The following EPB41 variants were observed in gnomAD, a reference collection of about 807,000 sequenced individuals.
The protein encoded by EPB41 is protein 4.1.
In EPB41, 65 loss-of-function variants were observed where a neutral mutation model predicts 108.0. The ratio of observed to expected loss-of-function variants is 0.60; its 90% CI spans 0.49 to 0.74. The LOEUF (loss-of-function observed/expected upper bound fraction) is 0.74, where lower values mean the gene tolerates loss of function less well. Among genes scored for constraint, EPB41 ranks in the 30% least tolerant of loss-of-function variants. The probability of loss-of-function intolerance (pLI) is 0.00; values close to 1 mark genes in which losing one functional copy is unlikely to be tolerated. For missense variants in EPB41, 875 were observed against 1,037.0 expected (o/e 0.84, Z 2.15); for synonymous variants, 336 against 358.9 (o/e 0.94, Z 0.72).
chr1:29,018,077 A>C lies in EPB41; in HGVS notation c.906-147A>C. 2 of 689,150 alleles carry C rather than the reference A, an allele frequency of 2.9e-6. No homozygotes were observed. Among genetic ancestry groups the C allele is most frequent in the Non-Finnish European group, 5.1e-6 (2 of 395,390 alleles). The allele number at this position is 689,150 out of a possible 1,614,324, so 42.7% of individuals were successfully genotyped here. On this transcript the variant is annotated intron_variant, in intron 6 of 20. Coordinates refer to ENST00000343067, the MANE Select transcript of EPB41 (RefSeq NM_001376013.1). This position sits in a 1 kb window ranked among gnomAD's most constrained non-coding sequence, Gnocchi z 4.4. Reference sequence around the variant, plus strand: ...AACTACCTAGATTGAAGTTATTATTATCTCATATTTACTTAATTGCTTTCT... The same window carrying C: ...AACTACCTAGATTGAAGTTATTATTCTCTCATATTTACTTAATTGCTTTCT...
intron 9 of EPB41, 113 bp from the exon 10 acceptor site, chr1:29,035,713 T>C: frequency 1.3e-6 from 1 of 780,578 alleles, no homozygotes; most frequent in South Asian, 1.6e-5. Flanking sequence ...GTCCTTAAAT[T>C]GGTAACAATG....
intron 1 of EPB41, among the ~76,000 whole-genome samples, chr1:28,896,519 A>T (rs753568568): frequency 5.3e-5 from 8 of 152,212 alleles, no homozygotes; most frequent in Non-Finnish European, 1.0e-4. Flanking sequence ...GGGAGCTCGG[A>T]GTCTAGTTGG....
intron 17 of EPB41, among the ~76,000 whole-genome samples, chr1:29,099,399 C>T (rs1247478888): frequency 6.6e-6 from 1 of 151,992 alleles, no homozygotes; most frequent in Non-Finnish European, 1.5e-5. Flanking sequence ...GATCTTAGCT[C>T]GCTGCAGCCT....
intron 1 of EPB41, among the ~76,000 whole-genome samples, chr1:28,932,733 A>G (rs1248639273): frequency 1.3e-5 from 2 of 152,210 alleles, no homozygotes; most frequent in Non-Finnish European, 2.9e-5. Context: ...CAAGTAGAAT[A>G]TTAAAAGACC....
At chr1:28,998,323 T>C (rs1459244005) in intron 4 of EPB41, among the ~76,000 whole-genome samples, 1 of 152,044 alleles carries the variant, frequency 6.6e-6, no homozygotes, top group Non-Finnish European at 1.5e-5. Context: ...TGGCTGAACA[T>C]AGGATATGAG....
At chr1:29,000,165 C>A (rs2096267534) in intron 4 of EPB41, among the ~76,000 whole-genome samples, 1 of 151,766 alleles carries the variant, frequency 6.6e-6, no homozygotes, top group Non-Finnish European at 1.5e-5. Flanking sequence ...ATGGTGTGAT[C>A]TCTGCTCACT....
At chr1:29,034,520 A>G (rs909609764) in intron 9 of EPB41, among the ~76,000 whole-genome samples, 1 of 152,162 alleles carries the variant, frequency 6.6e-6, no homozygotes, top group African/African-American at 2.4e-5. Context: ...CAGTTTCTTC[A>G]TGTCTAAAAA....
intron 5 of EPB41, among the ~76,000 whole-genome samples, chr1:29,012,647 A>G (rs1041212880): frequency 6.6e-6 from 1 of 152,228 alleles, no homozygotes; most frequent in Non-Finnish European, 1.5e-5. Flanking sequence ...CAGGAAATGC[A>G]ATAGTTGTTA....
intron 1 of EPB41, among the ~76,000 whole-genome samples, chr1:28,894,642 G>A (rs944442171): frequency 6.6e-6 from 1 of 152,130 alleles, no homozygotes; most frequent in Non-Finnish European, 1.5e-5. Flanking sequence ...GAGGGATGGG[G>A]AGGGACTCTG....
intron 16 of EPB41, among the ~76,000 whole-genome samples, chr1:29,068,105 A>G (rs1242498834): frequency 6.6e-6 from 1 of 152,166 alleles, no homozygotes; most frequent in Non-Finnish European, 1.5e-5. Flanking sequence ...TGAACAAGTA[A>G]TTTATCATAT....
chr1:29,002,983 C>T (rs963338647), intron 4 of EPB41, among the ~76,000 whole-genome samples: 2 of 152,194 alleles, frequency 1.3e-5, no homozygotes, highest in African/African-American at 4.8e-5. Context: ...TACCCACTTC[C>T]TTTAGGTTTC....
intron 6 of EPB41, among the ~76,000 whole-genome samples, chr1:29,016,044 G>A (rs889700474): frequency 1.3e-5 from 2 of 152,156 alleles, no homozygotes; most frequent in Non-Finnish European, 1.5e-5. Flanking sequence ...CCAAGCTGTG[G>A]GCAGGGCTTC....
chr1:29,010,353 A>AT (rs1334929696), intron 4 of EPB41, among the ~76,000 whole-genome samples: 1 of 152,158 alleles, frequency 6.6e-6, no homozygotes, highest in African/African-American at 2.4e-5. Flanking sequence ...AATAAATAAA[A>AT]TGCCACTGAA....
chr1:28,907,823 A>AT (rs1407983624), intron 1 of EPB41, among the ~76,000 whole-genome samples: 1 of 132,222 alleles, frequency 7.6e-6, no homozygotes, highest in Admixed American at 7.8e-5. Flanking sequence ...AGATTGGCTG[A>AT]TTTTTTAAAA....
Position 29,030,402 on chromosome 1 carries a change from C to T in EPB41, c.1127C>T (p.Ser376Phe), listed in dbSNP as rs769241133. 4.3e-6 allele frequency: 7 copies of T among 1,613,378 alleles called. No individual in the cohort carries two copies. The highest frequency in any genetic ancestry group is 5.1e-6 in the Non-Finnish European group (6 of 1,179,462). ...KVMELHKSYRSMTPAQADLEF... is the reference protein window; with the variant it reads ...KVMELHKSYRFMTPAQADLEF... ...TTTATGTTTTTATTCTATCAAAGGT[C>T]CATGACTCCAGCTCAGGCTGACTTG... is the stretch of plus-strand genomic sequence containing the variant. The change falls in exon 8 of 21, where the codon TCC becomes TTC. Residue 376 changes from serine to phenylalanine, a missense_variant and splice_region_variant. By Grantham distance (155) the Ser-to-Phe change is radical. Around this residue, in one of 3 missense-constraint regions of EPB41, gnomAD observed 519 missense variants for 627.3 expected, o/e 0.83. Transcript: ENST00000343067.
chr1:29,077,208 G>A (rs1012659021), intron 16 of EPB41, among the ~76,000 whole-genome samples: 1 of 152,050 alleles, frequency 6.6e-6, no homozygotes. Flanking sequence ...GTTTATTCAA[G>A]GAATCTAGTA....
At chr1:28,910,502 T>C (rs2092183138), upstream of EPB41, among the ~76,000 whole-genome samples, 1 of 152,146 alleles carries the variant, frequency 6.6e-6, no homozygotes, top group Non-Finnish European at 1.5e-5. Context: ...ACACAGGGCT[T>C]CAGGCCAGCT....
At chr1:29,053,708 C>T (rs972199007) in intron 12 of EPB41, 5 of 183,146 alleles carry the variant, frequency 2.7e-5, no homozygotes, top group Non-Finnish European at 3.5e-5. Flanking sequence ...TACAGGCGCC[C>T]GCCACCATGC....
intron 1 of EPB41, among the ~76,000 whole-genome samples, chr1:28,971,267 T>C (rs2095490997): frequency 7.8e-6 from 1 of 127,584 alleles, no homozygotes; most frequent in South Asian, 2.7e-4. Context: ...CACTGCAACC[T>C]CTGCCTCCCA....
Sources: allele counts gnomAD v4.1 joint callset (sites outside exome capture counted in the v4.1 genomes callset), GRCh38; gene constraint gnomAD v4.1.1; regional missense constraint gnomAD v4.1.1; non-coding constraint Gnocchi (gnomAD v3.1); transcripts MANE v1.5; gene names NCBI Gene and HGNC (gene_info 2026-07-23, HGNC 2026-07-21).